Variants in OPRL1 observed in about 807,000 individuals in gnomAD.
OPRL1 encodes the protein nociceptin receptor.
In OPRL1, 5 loss-of-function variants were observed where a neutral mutation model predicts 15.5. The observed-to-expected ratio is 0.32, with a 90% CI of 0.17 to 0.68. The LOEUF (loss-of-function observed/expected upper bound fraction) is 0.68. Among genes scored for constraint, OPRL1 ranks in the 30% least tolerant of loss-of-function variants. The pLI, the probability that OPRL1 is intolerant of heterozygous loss-of-function variation, is 0.72. For missense variants in OPRL1, 406 were observed against 515.3 expected (o/e 0.79, Z 2.05); for synonymous variants, 223 against 230.2 (o/e 0.97, Z 0.28).
Position 64,083,733 on chromosome 20 carries a change from G to A in OPRL1, c.-185+3381G>A. 1.5e-6 allele frequency: 2 copies of A among 1,348,214 alleles called. No individual in the cohort carries two copies. The highest frequency in any genetic ancestry group is 1.9e-6 in the Non-Finnish European group (2 of 1,056,938). The allele number at this position is 1,348,214 out of a possible 1,614,324, so 83.5% of individuals were successfully genotyped here. ...GCGGGGCCCGGGTAGCTGAGCGCGC[G>A]CCGAGCCCCGCCCCGCCCCGCCCCG... On this transcript the variant is annotated intron_variant, in intron 1 of 4. Coordinates refer to ENST00000336866, the MANE Select transcript of OPRL1 (RefSeq NM_182647.4). The surrounding 1 kb of genome is among the most constrained non-coding windows in gnomAD (Gnocchi z 4.9).
intron 3 of OPRL1, 92 bp downstream of exon 3, chr20:64,093,045 A>G: frequency 8.9e-7 from 1 of 1,127,870 alleles, no homozygotes; most frequent in Non-Finnish European, 1.3e-6. Context: ...GGGCCTGAGC[A>G]GGTGTTGATT....
chr20:64,092,657 T>G, intron 2 of OPRL1, 31 bp from the exon 3 acceptor site: 1 of 1,530,282 alleles, frequency 6.5e-7, no homozygotes, highest in South Asian at 1.2e-5. Context: ...TGTCTGGCAC[T>G]GCAGCCACTT....
intron 3 of OPRL1, among the ~76,000 whole-genome samples, chr20:64,096,443 T>C (rs1979119411): frequency 6.6e-6 from 1 of 152,138 alleles, no homozygotes; most frequent in South Asian, 2.1e-4. Context: ...TTTCTTCCTC[T>C]ATAGAGTGGG....
chr20:64,093,034 T>A, intron 3 of OPRL1, 81 bp downstream of exon 3: 1 of 1,278,046 alleles, frequency 7.8e-7, no homozygotes. Flanking sequence ...CTGTTCTGGA[T>A]GGGCCTGAGC....
In OPRL1 at chr20:64,098,121, G is replaced by A. The variant is rs1401402864; in HGVS notation, c.553G>A (p.Val185Ile). 4 of 1,613,216 alleles carry A rather than the reference G, an allele frequency of 2.5e-6. No individual in the cohort carries two copies. The highest frequency in any genetic ancestry group is 1.1e-5 in the South Asian group (1 of 91,088). Residue 185 changes from valine to isoleucine, a missense_variant, in exon 4 of 5, where the codon GTT becomes ATT. Coordinates refer to ENST00000336866, the MANE Select transcript of OPRL1 (RefSeq NM_182647.4). ...WALASVVGVP[V>I]AIMGSAQVED... ...CCTGGCCTCTGTTGTCGGTGTTCCC[G>A]TTGCCATCATGGGCTCGGCACAGGT...
In OPRL1 at chr20:64,098,793, C is replaced by T. The variant is rs376089460; in HGVS notation, c.1107C>T (p.Pro369=). The change falls in exon 5 of 5, where the codon CCC becomes CCT. Residue 369 remains proline, a synonymous_variant. Transcript: ENST00000336866. The part of the protein sequence containing the change: ...ACKTSETVPR[P]A The stretch of plus-strand genomic sequence containing the variant: ...AGACCTCTGAGACGGTACCGCGGCC[C>T]GCATGACTAGGCGTGGACCTGCCCA... 19 of 1,592,148 alleles carry T rather than the reference C, an allele frequency of 1.2e-5. No individual in the cohort carries two copies. The highest frequency in any genetic ancestry group is 1.2e-4 in the Admixed American group (7 of 59,490).
rs375975335 is a variant in OPRL1, at chr20:64,083,373, G to A, written c.-185+3021G>A. 2.2e-5 allele frequency: 36 copies of A among 1,608,708 alleles called. No homozygotes were observed. Among genetic ancestry groups the A allele is most frequent in the Non-Finnish European group, 2.6e-5 (31 of 1,178,158 alleles). ...GGAGTGGCAGCAAAAAGACCAGCGA[G>A]CCTTCGGAGAATTATAACTTTATGT... On this transcript the variant is annotated intron_variant, in intron 1 of 4. Coordinates refer to ENST00000336866, the MANE Select transcript of OPRL1 (RefSeq NM_182647.4). The surrounding 1 kb of genome is among the most constrained non-coding windows in gnomAD (Gnocchi z 4.9).
chr20:64,081,741 A>G (rs1225131349), intron 1 of OPRL1, among the ~76,000 whole-genome samples: 3 of 152,120 alleles, frequency 2.0e-5, no homozygotes, highest in African/African-American at 7.2e-5. Context: ...GCGTCCCTCC[A>G]GGCCCCATTC....
At chr20:64,096,067 G>A (rs1418374825) in intron 3 of OPRL1, among the ~76,000 whole-genome samples, 1 of 152,126 alleles carries the variant, frequency 6.6e-6, no homozygotes, top group African/African-American at 2.4e-5. Context: ...ATGTCCCATT[G>A]TGGCTGGCGG....
In OPRL1 at chr20:64,097,291, T is replaced by C. The variant is rs1979297832; in HGVS notation, c.234-511T>C. ...CCTGTCCCCCCGTCACCATTTTCGG[T>C]CTCCATTGCTAGGCAGCAGTGTGGA... is the stretch of plus-strand genomic sequence containing the variant. On this transcript the variant is annotated intron_variant, in intron 3 of 4. Transcript: ENST00000336866. The surrounding 1 kb of genome is among the most constrained non-coding windows in gnomAD (Gnocchi z 4.2). 1.3e-5 allele frequency among the ~76,000 whole-genome samples: 2 copies of C among 152,188 alleles called. No individual in the cohort carries two copies.
At position 64,090,577 on chromosome 20, in the gene OPRL1, T is replaced by C. The variant is rs2145594169; in HGVS notation, c.-184-1389T>C. The stretch of plus-strand genomic sequence containing the variant: ...TACAACCCCATGACCGGGAGGGAGC[T>C]GGTGATTCAGCTCAGGGGTCACCCA... On this transcript the variant is annotated intron_variant, in intron 1 of 4. Transcript: ENST00000336866. The surrounding 1 kb of genome is among the most constrained non-coding windows in gnomAD (Gnocchi z 4.9). Among the ~76,000 whole-genome samples the C allele has an allele frequency of 6.6e-6, 1 of 152,272 alleles. No homozygotes were observed. Among genetic ancestry groups the C allele is most frequent in the South Asian group, 2.1e-4 (1 of 4,824 alleles).
chr20:64,090,567 G>A lies in OPRL1; in HGVS notation c.-184-1399G>A, dbSNP rs920764129. Among the ~76,000 whole-genome samples the A allele has an allele frequency of 5.9e-5, 9 of 152,310 alleles. No homozygotes were observed. The highest frequency in any genetic ancestry group is 3.4e-3 in the Middle Eastern group (1 of 294). On this transcript the variant is annotated intron_variant, in intron 1 of 4. Transcript: ENST00000336866. This position sits in a 1 kb window ranked among gnomAD's most constrained non-coding sequence, Gnocchi z 4.9. ...GTGCAGGAAGTACAACCCCATGACC[G>A]GGAGGGAGCTGGTGATTCAGCTCAG...
chr20:64,085,780 G>A lies in OPRL1; in HGVS notation c.-185+5428G>A, dbSNP rs559643091. Among the ~76,000 whole-genome samples, 5 of 152,346 alleles carry A rather than the reference G, an allele frequency of 3.3e-5. No homozygotes were observed. In the South Asian group the frequency reaches 1.0e-3, roughly 32 times the overall value. On this transcript the variant is annotated intron_variant, in intron 1 of 4. Transcript: ENST00000336866. ...GTCCCAGCTGAGGAGCAGGGTCTTA[G>A]CTGAGCTTCTGGCCTTTTGGCAGGA...
chr20:64,088,995 C>T (rs1215606066), intron 1 of OPRL1, among the ~76,000 whole-genome samples: 1 of 124,194 alleles, frequency 8.1e-6, no homozygotes, highest in African/African-American at 3.1e-5. Context: ...GCAGGGGGGA[C>T]AGGTTGTGTG....
chr20:64,088,628 G>T (rs926575501), intron 1 of OPRL1, among the ~76,000 whole-genome samples: 4 of 144,550 alleles, frequency 2.8e-5, no homozygotes, highest in Admixed American at 6.8e-5. Context: ...GCCAGGATCT[G>T]TGCAGAGTGG....
Position 64,097,674 on chromosome 20 carries a change from G to T in OPRL1, c.234-128G>T. On this transcript the variant is annotated intron_variant, in intron 3 of 4. Transcript: ENST00000336866. The surrounding 1 kb of genome is among the most constrained non-coding windows in gnomAD (Gnocchi z 4.2). ...GAGCTATCACTTACCAAGCCCCCAT[G>T]GGAACTCTGATGTTAAGGGACTCAG... The T allele has an allele frequency of 1.3e-6, 1 of 791,620 alleles. No individual in the cohort carries two copies. Among genetic ancestry groups the T allele is most frequent in the Non-Finnish European group, 2.1e-6 (1 of 477,428 alleles). The allele number at this position is 791,620 out of a possible 1,614,324, so 49.0% of individuals were successfully genotyped here.
rs1407918553 is a variant in OPRL1 at position 64,083,752 on chromosome 20, C to T, written c.-185+3400C>T. 1 of 1,336,202 alleles carries T rather than the reference C, an allele frequency of 7.5e-7. No individual in the cohort carries two copies. Among genetic ancestry groups the T allele is most frequent in the Non-Finnish European group, 9.5e-7 (1 of 1,049,574 alleles). 82.8% of individuals were successfully genotyped at this position (1,336,202 alleles called of 1,614,324 possible). A position where few individuals can be genotyped will look rare whatever the true frequency, so the allele number is the denominator to read the frequency against. ...GCGCGCGCCGAGCCCCGCCCCGCCC[C>T]GCCCCGGCCGGCTCCGCTCAACGCT... On this transcript the variant is annotated intron_variant, in intron 1 of 4. Coordinates refer to ENST00000336866, the MANE Select transcript of OPRL1 (RefSeq NM_182647.4). This position sits in a 1 kb window ranked among gnomAD's most constrained non-coding sequence, Gnocchi z 4.9.
intron 1 of OPRL1, among the ~76,000 whole-genome samples, chr20:64,087,676 T>C (rs150184647): frequency 9.0e-4 from 137 of 152,350 alleles, no homozygotes; most frequent in African/African-American, 3.0e-3. Context: ...TCTTGGGCTA[T>C]CCCTAGTATC....
rs962322871 is a variant in OPRL1 at position 64,098,568 on chromosome 20, C to T, written c.882C>T (p.Ser294=). The part of the protein sequence containing the change: ...LAQGLGVQPS[S]ETAVAILRFC... ...AAGGGCTGGGGGTTCAGCCGAGCAG[C>T]GAGACTGCCGTGGCCATTCTGCGCT... is the stretch of plus-strand genomic sequence containing the variant. Residue 294 remains serine (S), a synonymous_variant, in exon 5 of 5, where the codon AGC becomes AGT. Transcript: ENST00000336866. 9.9e-6 allele frequency: 16 copies of T among 1,612,694 alleles called. 1 individual carries two copies. The South Asian group carries it at 1.1e-4, about 11-fold the overall frequency.
Sources: allele counts gnomAD v4.1 joint callset (sites outside exome capture counted in the v4.1 genomes callset), GRCh38; gene constraint gnomAD v4.1.1; non-coding constraint Gnocchi (gnomAD v3.1); transcripts MANE v1.5; gene names NCBI Gene and HGNC (gene_info 2026-07-23, HGNC 2026-07-21).